The following FREM3 variants were observed in gnomAD, a reference collection of about 807,000 sequenced individuals.
FREM3 encodes FRAS1-related extracellular matrix protein 3.
Under a neutral mutation model 129.1 loss-of-function variants are expected in FREM3, and 105 were observed. The ratio of observed to expected loss-of-function variants is 0.81; its 90% confidence interval spans 0.69 to 0.96. FREM3 has a LOEUF of 0.96. FREM3 is among the 40% of genes least tolerant of loss of function. The probability of loss-of-function intolerance (pLI) is 0.00; values close to 1 mark genes in which losing one functional copy is unlikely to be tolerated. For synonymous variants in FREM3, 1,014 were observed against 1,044.9 expected, an observed-to-expected ratio of 0.97 and a Z score of 0.57; for missense variants, 2,593 against 2,666.3, an observed-to-expected ratio of 0.97 and a Z score of 0.61.
At chr4:143,672,316 C>A (rs1047747016) in intron 2 of FREM3, among the ~76,000 whole-genome samples, 1 of 152,168 alleles carries the variant, frequency 6.6e-6, no homozygotes, top group African/African-American at 2.4e-5. Flanking sequence ...CATCGACCAG[C>A]AAGAGACTTT....
intron 2 of FREM3, among the ~76,000 whole-genome samples, chr4:143,632,168 T>G (rs1378488340): frequency 1.3e-5 from 2 of 151,906 alleles, no homozygotes; most frequent in Admixed American, 1.3e-4. Flanking sequence ...TTATATGCTA[T>G]TGACTCTTCT....
In FREM3 at chr4:143,695,863, G is replaced by A. The variant is rs1307783674; in HGVS notation, c.4813C>T (p.Leu1605=). Residue 1605 remains leucine, a synonymous_variant, in exon 1 of 8, where the codon CTG becomes TTG. Transcript: ENST00000329798. The part of the protein sequence containing the change: ...TFTKQDLNKN[L]ISYKHDGSET... ...CTGCCGTCATGCTTGTAGCTAATCAGGTTCTTGTTCAGGTCTTGCTTGGTG... is the reference window on the plus strand; with the variant it reads ...CTGCCGTCATGCTTGTAGCTAATCAAGTTCTTGTTCAGGTCTTGCTTGGTG... 1 of 1,537,488 alleles carries A rather than the reference G, an allele frequency of 6.5e-7. No individual in the cohort carries two copies. Among genetic ancestry groups the A allele is most frequent in the Admixed American group, 2.0e-5 (1 of 51,002 alleles).
chr4:143,658,614 T>C (rs1281386542), intron 2 of FREM3, among the ~76,000 whole-genome samples: 3 of 152,242 alleles, frequency 2.0e-5, no homozygotes, highest in Non-Finnish European at 4.4e-5. Context: ...AGAACAAGCT[T>C]GTCCAACCTG....
Position 143,696,713 on chromosome 4 carries a change from G to A in FREM3, c.3963C>T (p.His1321=). 4 of 1,537,878 alleles carry A rather than the reference G, an allele frequency of 2.6e-6. No individual in the cohort carries two copies. Among genetic ancestry groups the A allele is most frequent in the Non-Finnish European group, 2.6e-6 (3 of 1,147,072 alleles). The part of the protein sequence containing the change: ...VNNGLKVEKG[H]SEIITNRILK... ...GGATCCGATTTGTGATGATCTCAGA[G>A]TGTCCTTTCTCTACCTTCAGCCCAT... is the stretch of plus-strand genomic sequence containing the variant. The change falls in exon 1 of 8, where the codon CAC becomes CAT. Residue 1321 remains histidine, a synonymous_variant. Coordinates refer to ENST00000329798, the MANE Select transcript of FREM3 (RefSeq NM_001168235.2).
chr4:143,629,580 T>G (rs1303325731), intron 2 of FREM3, among the ~76,000 whole-genome samples: 2 of 152,156 alleles, frequency 1.3e-5, no homozygotes, highest in Admixed American at 6.5e-5. Flanking sequence ...AAAACCATAT[T>G]TTTTACAGTT....
intron 2 of FREM3, among the ~76,000 whole-genome samples, chr4:143,686,356 A>T (rs1740363395): frequency 6.6e-6 from 1 of 152,220 alleles, no homozygotes; most frequent in Admixed American, 6.5e-5. Flanking sequence ...GGAATGAGGT[A>T]GACAGAAACA....
intron 6 of FREM3, among the ~76,000 whole-genome samples, chr4:143,597,091 C>A (rs1738496890): frequency 6.6e-6 from 1 of 152,012 alleles, no homozygotes; most frequent in Admixed American, 6.6e-5. Flanking sequence ...GGGAGAAAGA[C>A]CGAGTGACAG....
chr4:143,695,614 G>A lies in FREM3; in HGVS notation c.5062C>T (p.Leu1688=), dbSNP rs1472054480. 2.0e-6 allele frequency: 3 copies of A among 1,537,192 alleles called. No individual in the cohort carries two copies. In the Admixed American group the frequency reaches 5.9e-5, roughly 30 times the overall value. ...HMGFLITSKS[L]KAEDQDSPHR... ...GGACTGTCCTGATCTTCTGCCTTCA[G>A]AGACTTGCTGGTAATCAGGAAGCCC... Residue 1688 remains leucine, a synonymous_variant, in exon 1 of 8, where the codon CTG becomes TTG. Coordinates refer to ENST00000329798, the MANE Select transcript of FREM3 (RefSeq NM_001168235.2).
chr4:143,684,737 A>G (rs1054938299), intron 2 of FREM3, among the ~76,000 whole-genome samples: 7 of 152,372 alleles, frequency 4.6e-5, no homozygotes, highest in Admixed American at 3.3e-4. Flanking sequence ...GCGAAGCCCA[A>G]TGCAAGGAAA....
intron 2 of FREM3, among the ~76,000 whole-genome samples, chr4:143,664,374 G>T (rs541774318): frequency 1.3e-5 from 2 of 152,124 alleles, no homozygotes; most frequent in African/African-American, 2.4e-5. Context: ...TGCCTAGGTA[G>T]CAGCAGCGGT....
At chr4:143,594,525 T>C (rs1265086616) in intron 6 of FREM3, among the ~76,000 whole-genome samples, 3 of 152,238 alleles carry the variant, frequency 2.0e-5, no homozygotes, top group African/African-American at 7.2e-5. Flanking sequence ...TCTCTTCTGA[T>C]GTATTTTGAA....
chr4:143,651,605 G>GAA (rs1417938696), intron 2 of FREM3, among the ~76,000 whole-genome samples: 8 of 152,198 alleles, frequency 5.3e-5, no homozygotes, highest in African/African-American at 1.9e-4. Context: ...AGTGAGTGCT[G>GAA]ATTAGTAAAG....
intron 2 of FREM3, among the ~76,000 whole-genome samples, chr4:143,656,786 CTTT>C (rs1739609012): frequency 6.6e-6 from 1 of 152,028 alleles, no homozygotes; most frequent in Middle Eastern, 3.2e-3. Context: ...CAATTGCATA[CTTT>C]AAGTGGGTAA....
At chr4:143,666,140 G>T (rs1007348398) in intron 2 of FREM3, among the ~76,000 whole-genome samples, 7 of 152,054 alleles carry the variant, frequency 4.6e-5, no homozygotes, top group East Asian at 1.9e-4. Flanking sequence ...AGGTGCAGAG[G>T]TTCTTGAACA....
intron 2 of FREM3, among the ~76,000 whole-genome samples, chr4:143,662,301 T>G (rs538990521): frequency 1.3e-5 from 2 of 152,196 alleles, no homozygotes; most frequent in Non-Finnish European, 2.9e-5. Context: ...TTTGTTCTCA[T>G]TGGTTTCAAA....
chr4:143,620,378 C>T (rs559054981), intron 5 of FREM3, among the ~76,000 whole-genome samples: 1 of 152,314 alleles, frequency 6.6e-6, no homozygotes, highest in South Asian at 2.1e-4. Flanking sequence ...CTCTAAATAG[C>T]CTTTTCTTGT....
intron 2 of FREM3, among the ~76,000 whole-genome samples, chr4:143,676,343 C>G (rs143865809): frequency 0.015 from 2,350 of 152,186 alleles, 87 homozygotes; most frequent in Admixed American, 0.083. Context: ...ATTCAACAAC[C>G]CTTCATGCTA....
chr4:143,584,394 C>T (rs1231536317), intron 7 of FREM3, among the ~76,000 whole-genome samples: 8 of 122,348 alleles, frequency 6.5e-5, no homozygotes, highest in South Asian at 2.7e-4. Flanking sequence ...CCGGCCTGGG[C>T]GACAGAGCGA....
At chr4:143,688,340 G>A (rs1286664178) in intron 2 of FREM3, among the ~76,000 whole-genome samples, 1 of 152,036 alleles carries the variant, frequency 6.6e-6, no homozygotes, top group Non-Finnish European at 1.5e-5. Flanking sequence ...CCTCTACAAG[G>A]AAAAGCACAA....
Sources: allele counts gnomAD v4.1 joint callset (sites outside exome capture counted in the v4.1 genomes callset), GRCh38; gene constraint gnomAD v4.1.1; transcripts MANE v1.5; gene names NCBI Gene and HGNC (gene_info 2026-07-23, HGNC 2026-07-21).